The following ADCY10 variants were observed in gnomAD, a reference collection of about 807,000 sequenced individuals.
The protein encoded by ADCY10 is adenylate cyclase 10.
ADCY10 carries 156 observed loss-of-function variants against 183.3 expected under a neutral mutation model. That is an observed-to-expected ratio of 0.85 (90% CI 0.75 to 0.97). ADCY10 has a LOEUF of 0.97. ADCY10 is among the 50% of genes least tolerant of loss of function. The pLI is 0.00. For missense variants in ADCY10, 1,745 were observed against 1,934.3 expected, an observed-to-expected ratio of 0.90 and a Z score of 1.84; for synonymous variants, 645 against 670.0, an observed-to-expected ratio of 0.96 and a Z score of 0.58.
At chr1:167,848,572 T>A in intron 18 of ADCY10, 83 bp from the exon 19 acceptor site, 1 of 1,486,084 alleles carries the variant, frequency 6.7e-7, no homozygotes, top group Non-Finnish European at 9.3e-7. Flanking sequence ...TTGAGATGGA[T>A]CTCATATGAG....
chr1:167,850,060 G>T (rs901722638), intron 18 of ADCY10, among the ~76,000 whole-genome samples: 9 of 152,142 alleles, frequency 5.9e-5, no homozygotes, highest in Admixed American at 5.9e-4. Flanking sequence ...TTCTGAAGAG[G>T]AGATAGTAGT....
intron 1 of ADCY10, among the ~76,000 whole-genome samples, chr1:167,912,216 G>C (rs1366682640): frequency 6.6e-6 from 1 of 152,184 alleles, no homozygotes; most frequent in African/African-American, 2.4e-5. Context: ...GGCAGATAGA[G>C]AGGAAAAGGG....
intron 8 of ADCY10, among the ~76,000 whole-genome samples, chr1:167,884,156 C>T (rs775848977): frequency 2.0e-5 from 3 of 152,178 alleles, no homozygotes; most frequent in African/African-American, 7.2e-5. Context: ...TGTATTAGTC[C>T]GTTCTCCCAC....
intron 25 of ADCY10, among the ~76,000 whole-genome samples, chr1:167,832,329 A>G (rs990983600): frequency 6.6e-6 from 1 of 152,226 alleles, no homozygotes; most frequent in Non-Finnish European, 1.5e-5. Context: ...TATGATGAGC[A>G]AAATGCACTC....
At position 167,824,720 on chromosome 1, in the gene ADCY10, C is replaced by A. The variant is rs1346498750; in HGVS notation, c.3886G>T (p.Ala1296Ser). The A allele has an allele frequency of 6.2e-7, 1 of 1,614,234 alleles. No homozygotes were observed. The highest frequency in any genetic ancestry group is 2.2e-5 in the East Asian group (1 of 44,890). Reference sequence around the variant, plus strand: ...AAGACCAGTGTCTCAGCCACGTATGCCACGATTTCAATGCCCTCGCCTTTC... The same window carrying A: ...AAGACCAGTGTCTCAGCCACGTATGACACGATTTCAATGCCCTCGCCTTTC... The part of the protein sequence containing the change: ...PLKGEGIEIV[A>S]YVAETLVFNK... The change falls in exon 27 of 33, where the codon GCA (alanine) becomes TCA (serine). Residue 1296 changes from alanine to serine, a missense_variant. Ala to Ser is a moderately conservative substitution (Grantham distance 99, BLOSUM62 1). Transcript: ENST00000367851.
chr1:167,880,641 ATGGACAG>A, intron 9 of ADCY10, 32 bp from the exon 10 acceptor site: 1 of 1,514,846 alleles, frequency 6.6e-7, no homozygotes, highest in South Asian at 1.1e-5. Flanking sequence ...ACCACAGCTG[ATGGACAG>A]TGTGCTTTAA....
chr1:167,899,361 CT>C, intron 6 of ADCY10, 61 bp downstream of exon 6: 1 of 1,542,412 alleles, frequency 6.5e-7, no homozygotes, highest in Non-Finnish European at 9.0e-7. Flanking sequence ...AGTGACTCTT[CT>C]GGCAGGGGGC....
In ADCY10 at chr1:167,832,993, G is replaced by A. The variant is rs763532369; in HGVS notation, c.3587C>T (p.Pro1196Leu). The change falls in exon 25 of 33, where the codon CCT becomes CTT. Residue 1196 changes from proline (P) to leucine (L), a missense_variant. Physicochemically the swap from Pro to Leu is moderately conservative, Grantham distance 98. Transcript: ENST00000367851. ...YVNRQAQESP[P>L]PGKKRLAQLY... ...CCCCAGCTCCTTCCCTTACCCTGGA[G>A]GTGGGCTCTCTTGGGCCTGCCGATT... 2 of 1,613,862 alleles carry A rather than the reference G, an allele frequency of 1.2e-6. No homozygotes were observed. The highest frequency in any genetic ancestry group is 1.1e-5 in the South Asian group (1 of 91,054).
intron 1 of ADCY10, among the ~76,000 whole-genome samples, chr1:167,912,888 G>A (rs1042711735): frequency 1.3e-5 from 2 of 152,208 alleles, no homozygotes; most frequent in Admixed American, 1.3e-4. Flanking sequence ...CTGAAGCACA[G>A]AGGTATTAAC....
chr1:167,857,473 T>C (rs540182704), intron 16 of ADCY10, among the ~76,000 whole-genome samples: 1 of 152,298 alleles, frequency 6.6e-6, no homozygotes, highest in South Asian at 2.1e-4. Flanking sequence ...CAGATAGAAA[T>C]TTAAGTTTTA....
At chr1:167,862,066 G>C (rs576207282) in intron 14 of ADCY10, among the ~76,000 whole-genome samples, 15 of 152,318 alleles carry the variant, frequency 9.8e-5, no homozygotes, top group Admixed American at 9.2e-4. Context: ...CCCAGTCTCA[G>C]GTAGTTCTTT....
Position 167,834,705 on chromosome 1 carries a change from T to C in ADCY10, c.3310-628A>G, listed in dbSNP as rs547503732. 1.6e-4 allele frequency: 25 copies of C among 157,926 alleles called. No homozygotes were observed. In the South Asian group the frequency reaches 3.6e-3, roughly 23 times the overall value. 9.8% of individuals were successfully genotyped at this position (157,926 alleles called of 1,614,324 possible). ...CCAGTCTCATGCATCCTGTTGGGTA[T>C]GTGTGGGAGGCAAAAAAAGAGGGAG... On this transcript the variant is annotated intron_variant, in intron 23 of 32. Coordinates refer to ENST00000367851, the MANE Select transcript of ADCY10 (RefSeq NM_018417.6).
intron 17 of ADCY10, among the ~76,000 whole-genome samples, chr1:167,855,653 C>G (rs1462490121): frequency 6.6e-6 from 1 of 152,190 alleles, no homozygotes. Context: ...GAAGGCGTAA[C>G]AGGGAGGCAA....
chr1:167,857,635 C>T (rs534425588), intron 16 of ADCY10, among the ~76,000 whole-genome samples: 1 of 152,308 alleles, frequency 6.6e-6, no homozygotes, highest in African/African-American at 2.4e-5. Flanking sequence ...AAAGCCAACA[C>T]TTACATTATA....
At chr1:167,827,683 C>T (rs1294695035) in intron 26 of ADCY10, among the ~76,000 whole-genome samples, 1 of 150,598 alleles carries the variant, frequency 6.6e-6, no homozygotes, top group Non-Finnish European at 1.5e-5. Context: ...AAGCTAGTTC[C>T]ATAATATCTA....
chr1:167,871,647 T>C (rs528047269), intron 13 of ADCY10, among the ~76,000 whole-genome samples: 7 of 152,372 alleles, frequency 4.6e-5, no homozygotes, highest in Admixed American at 4.6e-4. Context: ...ATTTTGTTAT[T>C]CACTGATAGA....
chr1:167,879,928 A>C (rs1667750990), intron 11 of ADCY10, among the ~76,000 whole-genome samples, 187 bp downstream of exon 11: 1 of 152,204 alleles, frequency 6.6e-6, no homozygotes, highest in Non-Finnish European at 1.5e-5. Flanking sequence ...CTCTACTCAT[A>C]CATAGCCCCA....
chr1:167,824,248 G>A (rs561863233), intron 28 of ADCY10, among the ~76,000 whole-genome samples: 10 of 150,372 alleles, frequency 6.7e-5, no homozygotes, highest in Non-Finnish European at 1.0e-4. Flanking sequence ...GTCTAAACCC[G>A]GAAGGCAGAG....
rs67993270 is a variant in ADCY10 at position 167,830,835 on chromosome 1, CA to C, written c.3594-1413del. 5.2e-3 allele frequency among the ~76,000 whole-genome samples: 799 copies of C among 152,342 alleles called. 9 individuals are homozygous for C. Among genetic ancestry groups the C allele is most frequent in the African/African-American group, 0.019 (770 of 41,572 alleles). On this transcript the variant is annotated intron_variant, in intron 25 of 32. Transcript: ENST00000367851. ...TCAAAGTCACTCCTCTGCCCTTTGA[CA>C]TAGATGCATATCTGATTTGCCTCCT...
Sources: gnomAD v4.1 joint callset for allele counts (sites outside exome capture counted in the v4.1 genomes callset) on GRCh38, gnomAD v4.1.1 for gene constraint, MANE v1.5 for transcripts, NCBI Gene and HGNC (gene_info 2026-07-23, HGNC 2026-07-21) for gene names.